The following USP10 variants were observed in gnomAD, a reference collection of about 807,000 sequenced individuals.
USP10 encodes the protein ubiquitin carboxyl-terminal hydrolase 10.
Under a neutral mutation model 84.5 loss-of-function variants are expected in USP10, and 22 were observed. The ratio of observed to expected loss-of-function variants is 0.26; its 90% CI spans 0.19 to 0.37. USP10 has a LOEUF of 0.37. USP10 is among the 10% of genes least tolerant of loss of function. USP10 has a pLI of 1.00. For missense variants in USP10, 1,019 were observed against 998.9 expected (o/e 1.02, Z -0.27); for synonymous variants, 454 against 387.6 (o/e 1.17, Z -2.01).
At chr16:84,704,121 C>T (rs943156718) in intron 1 of USP10, among the ~76,000 whole-genome samples, 19 of 152,338 alleles carry the variant, frequency 1.2e-4, no homozygotes, top group African/African-American at 4.3e-4. Flanking sequence ...GTGGTATCAT[C>T]TCCAATTGAA....
At chr16:84,776,922 T>C (rs575757520) in intron 13 of USP10, among the ~76,000 whole-genome samples, 21 of 152,282 alleles carry the variant, frequency 1.4e-4, no homozygotes, top group African/African-American at 3.9e-4. Context: ...AAGTGATTCT[T>C]GTGCCTCAGC....
Position 84,745,120 on chromosome 16 carries a change from G to A in USP10, c.639G>A (p.Gln213=). ...SVTPRTCNSP[Q]NSTDSVSDIV... ...CGCCCAGGACTTGTAACAGCCCCCA[G>A]AACTCCACAGACTCTGTCAGTGACA... Residue 213 remains glutamine (Q), a synonymous_variant, in exon 4 of 14, where the codon CAG becomes CAA. Transcript: ENST00000219473. 1 of 1,613,454 alleles carries A rather than the reference G, an allele frequency of 6.2e-7. No individual in the cohort carries two copies. The highest frequency in any genetic ancestry group is 8.5e-7 in the Non-Finnish European group (1 of 1,179,634).
At chr16:84,716,822 G>A (rs1187899110) in intron 1 of USP10, among the ~76,000 whole-genome samples, 9 of 152,170 alleles carry the variant, frequency 5.9e-5, no homozygotes, top group African/African-American at 1.9e-4. Context: ...GGGAGTGACC[G>A]CATGTCCTGG....
At chr16:84,704,932 C>T in intron 1 of USP10, 2 of 1,532,628 alleles carry the variant, frequency 1.3e-6, no homozygotes, top group Non-Finnish European at 1.7e-6. Context: ...CTTTTGGGCT[C>T]ACATGAGAAT....
At chr16:84,724,791 G>A (rs1908242498) in intron 1 of USP10, among the ~76,000 whole-genome samples, 1 of 152,134 alleles carries the variant, frequency 6.6e-6, no homozygotes, top group Non-Finnish European at 1.5e-5. Flanking sequence ...GATTGTTGAT[G>A]CTCAGTGCAT....
intron 1 of USP10, among the ~76,000 whole-genome samples, chr16:84,709,711 G>A (rs1019690811): frequency 2.0e-5 from 3 of 152,116 alleles, no homozygotes; most frequent in African/African-American, 7.2e-5. Context: ...ACTGAATGTT[G>A]GGCAAAGCTG....
chr16:84,729,728 G>A (rs140753320), intron 1 of USP10, among the ~76,000 whole-genome samples: 1 of 152,308 alleles, frequency 6.6e-6, no homozygotes, highest in Non-Finnish European at 1.5e-5. Context: ...TGCATTTAAG[G>A]ATTAAAATGT....
At chr16:84,706,347 C>T (rs1269813571) in intron 1 of USP10, among the ~76,000 whole-genome samples, 2 of 151,880 alleles carry the variant, frequency 1.3e-5, no homozygotes, top group Non-Finnish European at 2.9e-5. Flanking sequence ...TTTTTTTATA[C>T]TTCATTTTTT....
chr16:84,734,876 C>G (rs916497567), intron 2 of USP10, among the ~76,000 whole-genome samples: 6 of 152,190 alleles, frequency 3.9e-5, no homozygotes, highest in African/African-American at 1.4e-4. Flanking sequence ...CAGGTGCCTC[C>G]TCACCATTCA....
Position 84,764,261 on chromosome 16 carries a change from C to G in USP10, c.1830C>G (p.Ile610Met). ...TPITGIFGGHIRSVVYQQSSK... is the reference protein window; with the variant it reads ...TPITGIFGGHMRSVVYQQSSK... ...TCACCGGCATTTTTGGTGGACACAT[C>G]AGGTTTGTGCTTTTCTGGAATAACT... is the stretch of plus-strand genomic sequence containing the variant. Residue 610 changes from isoleucine (I) to methionine (M), a missense_variant and splice_region_variant, in exon 10 of 14, where the codon ATC becomes ATG. Physicochemically the swap from Ile to Met is conservative, Grantham distance 10 (BLOSUM62 1). Around this residue, in one of 2 missense-constraint regions of USP10, gnomAD observed 232 missense variants for 290.1 expected, o/e 0.80. Coordinates refer to ENST00000219473, the MANE Select transcript of USP10 (RefSeq NM_005153.3). 1 of 1,614,000 alleles carries G rather than the reference C, an allele frequency of 6.2e-7. No homozygotes were observed. The highest frequency in any genetic ancestry group is 8.5e-7 in the Non-Finnish European group (1 of 1,179,888).
In USP10 at chr16:84,736,108, G is replaced by A. The variant is rs11642461; in HGVS notation, c.90+2605G>A. On this transcript the variant is annotated intron_variant, in intron 2 of 13. Coordinates refer to ENST00000219473, the MANE Select transcript of USP10 (RefSeq NM_005153.3). Reference sequence around the variant, plus strand: ...TGGGTGTGTGAGTGGCGAGGGGAGGGCGTGTCACTTCTACAGCACAGTTTG... The same window carrying A: ...TGGGTGTGTGAGTGGCGAGGGGAGGACGTGTCACTTCTACAGCACAGTTTG... Among the ~76,000 whole-genome samples, 6 of 134,602 alleles carry A rather than the reference G, an allele frequency of 4.5e-5. No individual in the cohort carries two copies. In the Admixed American group the frequency reaches 4.9e-4, roughly 11 times the overall value. The allele number at this position is 134,602 out of a possible 152,430, so 88.3% of individuals were successfully genotyped here. A position where few individuals can be genotyped will look rare whatever the true frequency, so the allele number is the denominator to read the frequency against.
intron 1 of USP10, among the ~76,000 whole-genome samples, chr16:84,730,741 A>C (rs1909106704): frequency 6.6e-6 from 1 of 152,206 alleles, no homozygotes; most frequent in Admixed American, 6.5e-5. Flanking sequence ...CCAGCTCTAA[A>C]AACTTTAGGC....
chr16:84,741,668 C>T (rs529208821), intron 3 of USP10, among the ~76,000 whole-genome samples: 3 of 152,288 alleles, frequency 2.0e-5, no homozygotes, highest in African/African-American at 4.8e-5. Flanking sequence ...CCTCTAAGTC[C>T]TGCCTTTTTT....
At position 84,764,106 on chromosome 16, in the gene USP10, C is replaced by G. The variant is rs1490419833; in HGVS notation, c.1675C>G (p.Pro559Ala). The G allele has an allele frequency of 1.2e-6, 2 of 1,613,446 alleles. No homozygotes were observed. Among genetic ancestry groups the G allele is most frequent in the Admixed American group, 1.7e-5 (1 of 59,908 alleles). The part of the protein sequence containing the change: ...SNEKLTISNG[P>A]KNHSVNEEEQ... ...TTCAGAACTTACGATTTCCAACGGC[C>G]CCAAAAACCACTCGGTCAATGAAGA... Residue 559 changes from proline to alanine, a missense_variant, in exon 10 of 14, where the codon CCC (proline) becomes GCC (alanine). This residue lies in a region of USP10 where 787 missense variants were observed against 708.8 expected (regional missense o/e 1.11). Transcript: ENST00000219473.
chr16:84,774,975 A>C (rs77077751), intron 12 of USP10, among the ~76,000 whole-genome samples, 185 bp from the exon 13 acceptor site: 4,356 of 152,158 alleles, frequency 0.029, 196 homozygotes, highest in African/African-American at 0.099. Context: ...TTTGTGTCCT[A>C]TTACGTCACA....
At chr16:84,724,631 T>C (rs554743409) in intron 1 of USP10, among the ~76,000 whole-genome samples, 55 of 152,310 alleles carry the variant, frequency 3.6e-4, no homozygotes, top group African/African-American at 8.4e-4. Flanking sequence ...TCTTCCTCCT[T>C]CTTCCTTTGT....
At chr16:84,751,296 A>G (rs1209831201) in intron 4 of USP10, among the ~76,000 whole-genome samples, 1 of 152,234 alleles carries the variant, frequency 6.6e-6, no homozygotes, top group Non-Finnish European at 1.5e-5. Context: ...CTCAGAACAT[A>G]TCCCCATCAT....
chr16:84,708,108 G>C (rs904316031), intron 1 of USP10, among the ~76,000 whole-genome samples: 2 of 151,980 alleles, frequency 1.3e-5, no homozygotes, highest in East Asian at 3.9e-4. Flanking sequence ...ATATTTTGAA[G>C]ACTTCCACCC....
At chr16:84,716,722 G>C (rs1047681317) in intron 1 of USP10, among the ~76,000 whole-genome samples, 1 of 152,118 alleles carries the variant, frequency 6.6e-6, no homozygotes, top group Non-Finnish European at 1.5e-5. Context: ...TTAGGTGCAC[G>C]ACCTTCGGCA....
Sources: gnomAD v4.1 joint callset for allele counts (sites outside exome capture counted in the v4.1 genomes callset) on GRCh38, gnomAD v4.1.1 for gene constraint, gnomAD v4.1.1 regional missense constraint, MANE v1.5 for transcripts, NCBI Gene and HGNC (gene_info 2026-07-23, HGNC 2026-07-21) for gene names.